ADGRL3: variants seen among roughly 807,000 people sequenced by gnomAD.
The protein encoded by ADGRL3 is calcium-independent alpha-latrotoxin receptor 3.
A neutral mutation model predicts 153.5 loss-of-function variants in ADGRL3; 62 were observed. That is an observed-to-expected ratio of 0.40 (90% CI 0.33 to 0.50). ADGRL3 has a LOEUF of 0.50. Ranked by LOEUF, ADGRL3 falls within the 20% of genes least tolerant of loss-of-function variation. The pLI, the probability that ADGRL3 is intolerant of heterozygous loss-of-function variation, is 0.47. For synonymous variants in ADGRL3, 710 were observed against 672.5 expected (o/e 1.06, Z -0.86); for missense variants, 1,641 against 1,859.4 (o/e 0.88, Z 2.16).
At chr4:61,423,432 A>C (rs2097234553) in intron 2 of ADGRL3, among the ~76,000 whole-genome samples, 1 of 152,246 alleles carries the variant, frequency 6.6e-6, no homozygotes, top group South Asian at 2.1e-4. Flanking sequence ...ACAAGATGGG[A>C]AAGTGTATAG....
intron 9 of ADGRL3, among the ~76,000 whole-genome samples, chr4:61,831,411 T>TAAAAAAAAAAA (rs1166970099): frequency 2.7e-5 from 1 of 37,302 alleles, no homozygotes; most frequent in African/African-American, 1.1e-4. Context: ...AGATGCTAAG[T>TAAAAAAAAAAA]AAAAAAAAAA....
intron 13 of ADGRL3, among the ~76,000 whole-genome samples, chr4:61,918,796 A>G (rs1162729688): frequency 6.6e-6 from 1 of 152,196 alleles, no homozygotes; most frequent in Non-Finnish European, 1.5e-5. Flanking sequence ...ATTACATGCA[A>G]TATCTAAACA....
At chr4:61,319,059 A>C (rs894217948) in intron 1 of ADGRL3, among the ~76,000 whole-genome samples, 2 of 152,178 alleles carry the variant, frequency 1.3e-5, no homozygotes, top group Non-Finnish European at 2.9e-5. Context: ...CAAGATGACA[A>C]CTGGTGAATG....
intron 5 of ADGRL3, among the ~76,000 whole-genome samples, chr4:61,608,201 C>T (rs987180031): frequency 3.9e-5 from 6 of 152,206 alleles, no homozygotes; most frequent in Non-Finnish European, 5.9e-5. Context: ...CATTTGCACA[C>T]ACAGCTTTGA....
At chr4:61,717,867 C>T (rs1257904848) in intron 6 of ADGRL3, among the ~76,000 whole-genome samples, 1 of 151,822 alleles carries the variant, frequency 6.6e-6, no homozygotes, top group Non-Finnish European at 1.5e-5. Context: ...AACCCCATCT[C>T]AATTAAAAGT....
At chr4:61,447,470 G>A (rs1447793889) in intron 2 of ADGRL3, among the ~76,000 whole-genome samples, 1 of 152,144 alleles carries the variant, frequency 6.6e-6, no homozygotes, top group Non-Finnish European at 1.5e-5. Context: ...TGATTGATAT[G>A]ATCGAGAGTT....
At chr4:61,257,225 A>G (rs2092051921) in intron 1 of ADGRL3, among the ~76,000 whole-genome samples, 1 of 152,162 alleles carries the variant, frequency 6.6e-6, no homozygotes, top group Non-Finnish European at 1.5e-5. Flanking sequence ...TCACTGACAC[A>G]TTTGCCCTCC....
At chr4:61,279,380 C>T (rs1280554795) in intron 1 of ADGRL3, among the ~76,000 whole-genome samples, 1 of 152,054 alleles carries the variant, frequency 6.6e-6, no homozygotes, top group Non-Finnish European at 1.5e-5. Flanking sequence ...TTCATTTTTT[C>T]CTGTCATCCA....
At chr4:61,837,455 C>T (rs1159151679) in intron 9 of ADGRL3, among the ~76,000 whole-genome samples, 1 of 151,990 alleles carries the variant, frequency 6.6e-6, no homozygotes, top group African/African-American at 2.4e-5. Flanking sequence ...TTGGAAAAGA[C>T]AAATGGGTTT....
intron 1 of ADGRL3, among the ~76,000 whole-genome samples, chr4:61,371,020 A>G (rs1448126086): frequency 6.6e-6 from 1 of 151,344 alleles, no homozygotes; most frequent in Non-Finnish European, 1.5e-5. Context: ...TTGTTGGTTT[A>G]AAATCTGTTT....
intron 11 of ADGRL3, among the ~76,000 whole-genome samples, chr4:61,902,956 C>CA (rs1560349185): frequency 6.6e-6 from 1 of 152,098 alleles, no homozygotes; most frequent in Non-Finnish European, 1.5e-5. Flanking sequence ...CTGACCTTAG[C>CA]ACAGGACTGT....
intron 1 of ADGRL3, among the ~76,000 whole-genome samples, chr4:61,285,513 G>T (rs2093902062): frequency 6.6e-6 from 1 of 151,618 alleles, no homozygotes; most frequent in Non-Finnish European, 1.5e-5. Context: ...TAGCAGTGTT[G>T]CCCCACAGAA....
At chr4:61,331,212 T>G (rs1318926723) in intron 1 of ADGRL3, among the ~76,000 whole-genome samples, 4 of 152,206 alleles carry the variant, frequency 2.6e-5, no homozygotes, top group Non-Finnish European at 5.9e-5. Context: ...AACTCTAGTA[T>G]AAATACCTAT....
intron 4 of ADGRL3, among the ~76,000 whole-genome samples, chr4:61,540,311 G>T (rs1182613283): frequency 2.0e-5 from 3 of 152,274 alleles, no homozygotes; most frequent in African/African-American, 7.2e-5. Context: ...CACTTTGGGA[G>T]GCCAAGGCAG....
chr4:61,840,625 G>C (rs551084983), intron 9 of ADGRL3, among the ~76,000 whole-genome samples: 1 of 152,228 alleles, frequency 6.6e-6, no homozygotes, highest in South Asian at 2.1e-4. Flanking sequence ...GGGCCTTTGG[G>C]AGGTTATAAT....
chr4:61,702,676 A>G (rs1029279876), intron 6 of ADGRL3, among the ~76,000 whole-genome samples: 3 of 152,160 alleles, frequency 2.0e-5, no homozygotes, highest in African/African-American at 2.4e-5. Context: ...GAAAGCCTCT[A>G]GAAATCATTA....
chr4:61,302,790 T>A (rs977878039), intron 1 of ADGRL3, among the ~76,000 whole-genome samples: 1 of 152,128 alleles, frequency 6.6e-6, no homozygotes, highest in Non-Finnish European at 1.5e-5. Flanking sequence ...TTACAAGTAG[T>A]CATCCTGGAA....
rs2098836819 is a variant in ADGRL3, at chr4:61,936,039, C to A, written c.2413C>A (p.Arg805=). 1.2e-6 allele frequency: 2 copies of A among 1,610,482 alleles called. No homozygotes were observed. Among genetic ancestry groups the A allele is most frequent in the African/African-American group, 2.7e-5 (2 of 74,824 alleles). The change falls in exon 15 of 27, where the codon CGA becomes AGA. Residue 805 remains arginine, a synonymous_variant. Transcript: ENST00000683033. ...TGCAAATACCTTAAAGCAAAATGGC[C>A]GAAATGGTAGGTTAGAGTTTATTTT... The part of the protein sequence containing the change: ...LSANTLKQNG[R]NGEIRVAFVL...
chr4:61,719,243 C>T (rs536782619), intron 6 of ADGRL3, among the ~76,000 whole-genome samples: 5 of 151,974 alleles, frequency 3.3e-5, no homozygotes, highest in South Asian at 2.1e-4. Context: ...CCATCATTCT[C>T]GGAGGCATGC....
Sources: gnomAD v4.1 joint callset for allele counts (sites outside exome capture counted in the v4.1 genomes callset) on GRCh38, gnomAD v4.1.1 for gene constraint, MANE v1.5 for transcripts, NCBI Gene and HGNC (gene_info 2026-07-23, HGNC 2026-07-21) for gene names.